The following CCSER2 variants were observed in gnomAD, a reference collection of about 807,000 sequenced individuals.
The protein encoded by CCSER2 is serine-rich coiled-coil domain-containing protein 2.
In CCSER2, 46 loss-of-function variants were observed where a neutral mutation model predicts 92.3. The ratio of observed to expected loss-of-function variants is 0.50; its 90% CI spans 0.39 to 0.64. The LOEUF (loss-of-function observed/expected upper bound fraction) is 0.64. CCSER2 is among the 30% of genes least tolerant of loss of function. CCSER2 has a pLI of 0.00. For synonymous variants in CCSER2, 433 were observed against 431.4 expected (o/e 1.00, Z -0.04); for missense variants, 1,244 against 1,238.9 (o/e 1.00, Z -0.06).
chr10:84,397,170 C>CA (rs1841889074), intron 3 of CCSER2, among the ~76,000 whole-genome samples: 1 of 152,102 alleles, frequency 6.6e-6, no homozygotes, highest in Non-Finnish European at 1.5e-5. Context: ...TCTACTCTTA[C>CA]CTAAAGCTTA....
intron 3 of CCSER2, chr10:84,389,181 C>G (rs901477874): frequency 3.2e-6 from 1 of 309,894 alleles, no homozygotes; most frequent in Non-Finnish European, 6.4e-6. Flanking sequence ...GCTGGCCATT[C>G]TACCGCACCA....
intron 3 of CCSER2, among the ~76,000 whole-genome samples, chr10:84,396,952 G>A (rs770830850): frequency 1.3e-5 from 2 of 152,166 alleles, no homozygotes; most frequent in African/African-American, 4.8e-5. Flanking sequence ...ATATTTTACA[G>A]TTATAAACTG....
chr10:84,516,352 A>G lies in CCSER2; in HGVS notation c.*2085A>G, dbSNP rs978015225. 1 of 152,236 alleles carries G rather than the reference A, an allele frequency of 6.6e-6. No individual in the cohort carries two copies. The highest frequency in any genetic ancestry group is 1.5e-5 in the Non-Finnish European group (1 of 68,050). The allele number at this position is 152,236 out of a possible 1,614,324, so 9.4% of individuals were successfully genotyped here. A position where few individuals can be genotyped will look rare whatever the true frequency, so the allele number is the denominator to read the frequency against. On this transcript the variant is annotated 3_prime_UTR_variant, in exon 10 of 10. Coordinates refer to ENST00000372088, the MANE Select transcript of CCSER2 (RefSeq NM_001284240.2). Reference sequence around the variant, plus strand: ...TCAGAACGTTCTTCACATAGTCCAGATACTGTTAGAGTCAGGCAAATCAGC... The same window carrying G: ...TCAGAACGTTCTTCACATAGTCCAGGTACTGTTAGAGTCAGGCAAATCAGC...
At chr10:84,430,501 A>C (rs1405676743) in intron 5 of CCSER2, among the ~76,000 whole-genome samples, 1 of 152,210 alleles carries the variant, frequency 6.6e-6, no homozygotes, top group East Asian at 1.9e-4. Context: ...ACAAGCTTTG[A>C]ATCAGCTCAA....
At chr10:84,490,151 TTC>T (rs963985113) in intron 9 of CCSER2, among the ~76,000 whole-genome samples, 3 of 152,192 alleles carry the variant, frequency 2.0e-5, no homozygotes, top group Admixed American at 1.3e-4. Context: ...AACCCAGCCT[TTC>T]TCTCTGGCTG....
intron 9 of CCSER2, among the ~76,000 whole-genome samples, chr10:84,496,617 G>A (rs1589816593): frequency 6.6e-6 from 1 of 152,220 alleles, no homozygotes; most frequent in African/African-American, 2.4e-5. Flanking sequence ...GGGAATGGGG[G>A]CTGGGGCCAC....
chr10:84,426,757 T>C (rs1210096598), intron 5 of CCSER2, among the ~76,000 whole-genome samples: 1 of 152,084 alleles, frequency 6.6e-6, no homozygotes, highest in Non-Finnish European at 1.5e-5. Flanking sequence ...AGGGAAAAAA[T>C]TGATTCTAAG....
At chr10:84,467,145 C>T (rs1846492781) in intron 7 of CCSER2, among the ~76,000 whole-genome samples, 1 of 152,190 alleles carries the variant, frequency 6.6e-6, no homozygotes, top group African/African-American at 2.4e-5. Context: ...CATTTCAATG[C>T]TGTAGACGTT....
Position 84,513,760 on chromosome 10 carries a change from T to A in CCSER2, c.2637T>A (p.Ser879Arg). The change falls in exon 10 of 10, where the codon AGT becomes AGA. Residue 879 changes from serine (S) to arginine (R), a missense_variant. Transcript: ENST00000372088. ...EPYHLANNQI[S>R]DMQFIPTSLQ... ...ATCATTTGGCAAACAATCAAATTAG[T>A]GACATGCAGTTTATACCCACTTCTC... 1 of 1,537,084 alleles carries A rather than the reference T, an allele frequency of 6.5e-7. No homozygotes were observed. The highest frequency in any genetic ancestry group is 8.7e-7 in the Non-Finnish European group (1 of 1,146,952).
At chr10:84,379,087 G>T (rs1166174515) in intron 3 of CCSER2, among the ~76,000 whole-genome samples, 1 of 152,172 alleles carries the variant, frequency 6.6e-6, no homozygotes, top group Non-Finnish European at 1.5e-5. Context: ...GAATTTGCCA[G>T]AATTCAGCCT....
At chr10:84,494,685 G>A (rs1297596646) in intron 9 of CCSER2, among the ~76,000 whole-genome samples, 1 of 152,162 alleles carries the variant, frequency 6.6e-6, no homozygotes, top group African/African-American at 2.4e-5. Context: ...AACTTGTAGG[G>A]TCTCTTGTAT....
At chr10:84,352,590 C>G (rs1844923910) in intron 1 of CCSER2, among the ~76,000 whole-genome samples, 1 of 151,676 alleles carries the variant, frequency 6.6e-6, no homozygotes, top group South Asian at 2.1e-4. Context: ...GAGTACCTAT[C>G]ACCACCACCA....
chr10:84,419,757 G>A (rs1054461040), intron 4 of CCSER2, among the ~76,000 whole-genome samples: 4 of 152,214 alleles, frequency 2.6e-5, no homozygotes, highest in African/African-American at 9.6e-5. Flanking sequence ...GAGGATTAGA[G>A]TAGTCAAAGG....
chr10:84,410,636 T>C (rs1297844915), intron 3 of CCSER2, among the ~76,000 whole-genome samples: 1 of 152,260 alleles, frequency 6.6e-6, no homozygotes, highest in African/African-American at 2.4e-5. Context: ...GTAAATTTGC[T>C]TAAGTTTCTT....
At chr10:84,491,816 C>T (rs879426429) in intron 9 of CCSER2, among the ~76,000 whole-genome samples, 27 of 152,108 alleles carry the variant, frequency 1.8e-4, no homozygotes, top group Admixed American at 4.6e-4. Context: ...AGAAATCACC[C>T]CTCTTCTGGG....
intron 9 of CCSER2, among the ~76,000 whole-genome samples, chr10:84,510,548 T>G (rs1027970936): frequency 6.6e-6 from 1 of 152,244 alleles, no homozygotes; most frequent in Non-Finnish European, 1.5e-5. Flanking sequence ...TCATTCCTAT[T>G]TGTCTTAGCC....
intron 3 of CCSER2, among the ~76,000 whole-genome samples, chr10:84,408,219 A>G (rs1842468590): frequency 6.6e-6 from 1 of 152,134 alleles, no homozygotes; most frequent in Non-Finnish European, 1.5e-5. Flanking sequence ...GGAAGATTAT[A>G]CTTGTCCTTC....
chr10:84,372,962 CTTTA>C (rs1564609890), intron 2 of CCSER2, among the ~76,000 whole-genome samples: 1 of 151,994 alleles, frequency 6.6e-6, no homozygotes, highest in Non-Finnish European at 1.5e-5. Flanking sequence ...CCTGAGAGAG[CTTTA>C]TTTATTTATT....
chr10:84,396,034 A>G (rs984421194), intron 3 of CCSER2, among the ~76,000 whole-genome samples: 1 of 152,134 alleles, frequency 6.6e-6, no homozygotes, highest in Non-Finnish European at 1.5e-5. Flanking sequence ...ATTTCCGTAT[A>G]TATTAAAGAC....
Sources: gnomAD v4.1 joint callset for allele counts (sites outside exome capture counted in the v4.1 genomes callset) on GRCh38, gnomAD v4.1.1 for gene constraint, MANE v1.5 for transcripts, NCBI Gene and HGNC (gene_info 2026-07-23, HGNC 2026-07-21) for gene names.